Variants in CBLIF observed in about 807,000 individuals in gnomAD.
CBLIF encodes the protein gastric intrinsic factor (vitamin B synthesis).
A neutral mutation model predicts 44.9 loss-of-function variants in CBLIF; 24 were observed. The observed-to-expected ratio is 0.53, with a 90% CI of 0.39 to 0.75. The LOEUF is 0.75. Ranked by LOEUF, CBLIF falls within the 30% of genes least tolerant of loss-of-function variation. CBLIF has a pLI of 0.00. For missense variants in CBLIF, 481 were observed against 513.0 expected, an observed-to-expected ratio of 0.94 and a Z score of 0.60; for synonymous variants, 183 against 190.9, an observed-to-expected ratio of 0.96 and a Z score of 0.34.
chr11:59,834,375 T>G (rs1434084116), intron 7 of CBLIF, among the ~76,000 whole-genome samples: 1 of 147,274 alleles, frequency 6.8e-6, no homozygotes, highest in African/African-American at 2.5e-5. Flanking sequence ...TCTCAATTCC[T>G]TCTTTCCTTC....
Position 59,837,256 on chromosome 11 carries a change from G to T in CBLIF, c.789C>A (p.His263Gln). 6.2e-7 allele frequency: 1 copy of T among 1,613,302 alleles called. No homozygotes were observed. Among genetic ancestry groups the T allele is most frequent in the Non-Finnish European group, 8.5e-7 (1 of 1,179,222 alleles). Reference sequence around the variant, plus strand: ...GGATTTGAGCAATGGACATGGGGTTGTGGAATTTCCCCTGCTTAATCTCAT... The same window carrying T: ...GGATTTGAGCAATGGACATGGGGTTTTGGAATTTCCCCTGCTTAATCTCAT... ...ILNEIKQGKFHNPMSIAQILP... is the reference protein window; with the variant it reads ...ILNEIKQGKFQNPMSIAQILP... Residue 263 changes from histidine to glutamine, a missense_variant, in exon 6 of 9, where the codon CAC becomes CAA. Coordinates refer to ENST00000257248, the MANE Select transcript of CBLIF (RefSeq NM_005142.3).
At chr11:59,837,382 A>G (rs775868902) in intron 5 of CBLIF, 31 bp from the exon 6 acceptor site, 27 of 1,542,662 alleles carry the variant, frequency 1.8e-5, no homozygotes, top group African/African-American at 2.7e-5. Flanking sequence ...AGAGAGAAAG[A>G]GTAATTAGGC....
rs981105168 is a variant in CBLIF, at chr11:59,844,144, T to C, written c.80-89A>G. The C allele has an allele frequency of 3.6e-6, 4 of 1,112,540 alleles. No individual in the cohort carries two copies. The African/African-American group carries it at 4.6e-5, about 13-fold the overall frequency. 68.9% of individuals were successfully genotyped at this position (1,112,540 alleles called of 1,614,324 possible). On this transcript the variant is annotated intron_variant, in intron 1 of 8. Coordinates refer to ENST00000257248, the MANE Select transcript of CBLIF (RefSeq NM_005142.3). ...CGTGTCTTTGATGCTTTTTCTTTCT[T>C]TCTTTTTTTTTTGAGACAGTGTTAC...
In CBLIF at chr11:59,843,924, C is replaced by G; in HGVS notation, c.211G>C (p.Ala71Pro). The change falls in exon 2 of 9, where the codon GCC becomes CCC. Residue 71 changes from alanine (A) to proline (P), a missense_variant. By Grantham distance (27) the Ala-to-Pro change is conservative. Transcript: ENST00000257248. ...MNLAGAYNLKAQKLLTYQLMS... is the reference protein window; with the variant it reads ...MNLAGAYNLKPQKLLTYQLMS... ...AGCTGGTAAGTCAGGAGCTTCTGGG[C>G]CTTCAAGTTGTAGGCTCCGGCCAGA... is the stretch of plus-strand genomic sequence containing the variant. 6.2e-7 allele frequency: 1 copy of G among 1,613,762 alleles called. No homozygotes were observed. Among genetic ancestry groups the G allele is most frequent in the South Asian group, 1.1e-5 (1 of 91,074 alleles).
chr11:59,835,739 A>C, intron 7 of CBLIF, 69 bp downstream of exon 7: 1 of 1,253,248 alleles, frequency 8.0e-7, no homozygotes, highest in African/African-American at 1.5e-5. Context: ...TTAGGAAAAC[A>C]GGATGGATAA....
intron 6 of CBLIF, among the ~76,000 whole-genome samples, chr11:59,836,876 T>C (rs1264575665): frequency 6.6e-6 from 1 of 152,250 alleles, no homozygotes; most frequent in Non-Finnish European, 1.5e-5. Context: ...TGAAGCTATA[T>C]GTTGTTTGAT....
chr11:59,837,406 G>T, intron 5 of CBLIF, 55 bp from the exon 6 acceptor site: 1 of 1,305,070 alleles, frequency 7.7e-7, no homozygotes, highest in Non-Finnish European at 1.1e-6. Flanking sequence ...GCTGAGAGTT[G>T]GCTCTTACAT....
intron 6 of CBLIF, 102 bp from the exon 7 acceptor site, chr11:59,836,111 A>G (rs1018149642): frequency 2.3e-5 from 21 of 914,904 alleles, no homozygotes; most frequent in South Asian, 2.2e-4. Context: ...ACATTTTGAG[A>G]AAGTAGTGAG....
Position 59,841,233 on chromosome 11 carries a change from CT to C in CBLIF, c.602del (p.Gln201ArgfsTer3). 1 of 1,612,846 alleles carries C rather than the reference CT, an allele frequency of 6.2e-7. No individual in the cohort carries two copies. The highest frequency in any genetic ancestry group is 8.5e-7 in the Non-Finnish European group (1 of 1,178,806). ...SEEGYRSLFG[Q>X]VLKDIVEKIS... ...TTTTCTCCACAATATCCTTTAGTAC[CT>C]GACCAAACAGGGATCTGTAACCTTC... On this transcript the variant is annotated frameshift_variant, in exon 5 of 9. Coordinates refer to ENST00000257248, the MANE Select transcript of CBLIF (RefSeq NM_005142.3). LOFTEE classifies it high-confidence loss of function.
At chr11:59,836,911 A>T (rs1866462876) in intron 6 of CBLIF, among the ~76,000 whole-genome samples, 1 of 152,234 alleles carries the variant, frequency 6.6e-6, no homozygotes, top group Non-Finnish European at 1.5e-5. Context: ...AGCTTCTTCT[A>T]CCTCTAGTAT....
intron 2 of CBLIF, among the ~76,000 whole-genome samples, chr11:59,843,351 C>G (rs1590860514): frequency 6.6e-6 from 1 of 152,010 alleles, no homozygotes; most frequent in East Asian, 1.9e-4. Context: ...CTTGATGACT[C>G]TAGTATTTGG....
chr11:59,835,947 T>C lies in CBLIF; in HGVS notation c.934A>G (p.Ile312Val). ...TTATTTATGGTGTATATGACAGTGA[T>C]GTTAGATGCAGAGGTGGGGCCAGGG... Reference protein sequence around the residue: ...PGPGPTSASNITVIYTINNQL... With the variant: ...PGPGPTSASNVTVIYTINNQL... The change falls in exon 7 of 9, where the codon ATC becomes GTC. Residue 312 changes from isoleucine (I) to valine (V), a missense_variant. Physicochemically the swap from Ile to Val is conservative, Grantham distance 29. Transcript: ENST00000257248. 6.2e-7 allele frequency: 1 copy of C among 1,614,094 alleles called. No individual in the cohort carries two copies.
Position 59,842,444 on chromosome 11 carries a change from T to C in CBLIF, c.510A>G (p.Val170=). ...TCGGGGTAGTGGTGACCTACTCACC[T>C]ACATTGAAGGGAGAGGAGTTGGCCA... ...TLLANSSPFN[V]DTGAMATLAL... Residue 170 remains valine, a splice_region_variant and synonymous_variant, in exon 4 of 9, where the codon GTA becomes GTG. Coordinates refer to ENST00000257248, the MANE Select transcript of CBLIF (RefSeq NM_005142.3). 6.2e-7 allele frequency: 1 copy of C among 1,613,604 alleles called. No individual in the cohort carries two copies. Among genetic ancestry groups the C allele is most frequent in the East Asian group, 2.2e-5 (1 of 44,874 alleles).
At chr11:59,837,057 C>T (rs1335216506) in intron 6 of CBLIF, 117 bp downstream of exon 6, 2 of 827,256 alleles carry the variant, frequency 2.4e-6, no homozygotes, top group East Asian at 4.9e-5. Context: ...GTCAGATGTA[C>T]TCTGCCCACA....
intron 8 of CBLIF, among the ~76,000 whole-genome samples, chr11:59,830,361 C>T (rs1263022145): frequency 2.0e-5 from 3 of 151,710 alleles, no homozygotes; most frequent in East Asian, 1.9e-4. Flanking sequence ...CTCAGCCTCC[C>T]GAGTAGCTGG....
chr11:59,834,299 T>TTCCTTC (rs1866420485), intron 7 of CBLIF, among the ~76,000 whole-genome samples: 10 of 115,086 alleles, frequency 8.7e-5, no homozygotes, highest in African/African-American at 3.1e-4. Context: ...TTTCTTTCTT[T>TTCCTTC]CTTTCTTTCT....
Position 59,842,447 on chromosome 11 carries a change from A to G in CBLIF, c.507T>C (p.Asn169=). 2 of 1,613,646 alleles carry G rather than the reference A, an allele frequency of 1.2e-6. No homozygotes were observed. Among genetic ancestry groups the G allele is most frequent in the South Asian group, 1.1e-5 (1 of 91,056 alleles). ...GGGTAGTGGTGACCTACTCACCTACATTGAAGGGAGAGGAGTTGGCCAGCA... is the reference window on the plus strand; with the variant it reads ...GGGTAGTGGTGACCTACTCACCTACGTTGAAGGGAGAGGAGTTGGCCAGCA... ...KTLLANSSPF[N]VDTGAMATLA... Residue 169 remains asparagine (N), a synonymous_variant, in exon 4 of 9, where the codon AAT becomes AAC. Transcript: ENST00000257248.
chr11:59,834,123 A>C (rs766715498), intron 7 of CBLIF, among the ~76,000 whole-genome samples: 5 of 152,186 alleles, frequency 3.3e-5, no homozygotes, highest in Non-Finnish European at 7.3e-5. Flanking sequence ...TTCTTGACTT[A>C]GGTCATCACC....
intron 8 of CBLIF, among the ~76,000 whole-genome samples, chr11:59,829,882 C>T (rs1411889562): frequency 6.6e-6 from 1 of 152,132 alleles, no homozygotes; most frequent in Non-Finnish European, 1.5e-5. Flanking sequence ...CCGCTGGGTA[C>T]CTAATACAGT....
Sources: gnomAD v4.1 joint callset for allele counts (sites outside exome capture counted in the v4.1 genomes callset) on GRCh38, gnomAD v4.1.1 for gene constraint, MANE v1.5 for transcripts, NCBI Gene and HGNC (gene_info 2026-07-23, HGNC 2026-07-21) for gene names.